Variants in ADGRB1 observed in about 807,000 individuals in gnomAD.
The protein encoded by ADGRB1 is brain-specific angiogenesis inhibitor 1.
Under a neutral mutation model 175.7 loss-of-function variants are expected in ADGRB1, and 36 were observed. That is an observed-to-expected ratio of 0.20 (90% CI 0.16 to 0.27). The LOEUF is 0.27. ADGRB1 is among the 10% of genes least tolerant of loss of function. The probability of loss-of-function intolerance (pLI) is 1.00; values close to 1 mark genes in which losing one functional copy is unlikely to be tolerated. For synonymous variants in ADGRB1, 1,054 were observed against 979.4 expected (o/e 1.08, Z -1.42); for missense variants, 1,731 against 2,255.3 (o/e 0.77, Z 4.71).
chr8:142,468,205 GGTGC>G (rs887070424), intron 2 of ADGRB1, among the ~76,000 whole-genome samples: 4 of 150,820 alleles, frequency 2.7e-5, no homozygotes, highest in African/African-American at 7.4e-5. Flanking sequence ...TGTAAGTGTG[GGTGC>G]GTGTGTGTGT....
At position 142,479,411 on chromosome 8, in the gene ADGRB1, T is replaced by C. The variant is rs1298493955; in HGVS notation, c.1650T>C (p.Ser550=). Reference sequence around the variant, plus strand: ...GCCAGCGACGGGAGCGTGTCTGCTCTGGGCCCTTCTTCGGGGGAGCAGCCT... The same window carrying C: ...GCCAGCGACGGGAGCGTGTCTGCTCCGGGCCCTTCTTCGGGGGAGCAGCCT... ...AGSQRRERVC[S]GPFFGGAACQ... Residue 550 remains serine (S), a synonymous_variant, in exon 8 of 31, where the codon TCT becomes TCC. Transcript: ENST00000517894. The C allele has an allele frequency of 3.9e-5, 60 of 1,548,170 alleles. No homozygotes were observed. Among genetic ancestry groups the C allele is most frequent in the Non-Finnish European group, 5.2e-5 (60 of 1,152,002 alleles).
chr8:142,543,043 G>A lies in ADGRB1; in HGVS notation c.4414-360G>A, dbSNP rs1356143113. Among the ~76,000 whole-genome samples, 1 of 152,202 alleles carries A rather than the reference G, an allele frequency of 6.6e-6. No individual in the cohort carries two copies. Among genetic ancestry groups the A allele is most frequent in the East Asian group, 1.9e-4 (1 of 5,192 alleles). On this transcript the variant is annotated intron_variant, in intron 28 of 30. Coordinates refer to ENST00000517894, the MANE Select transcript of ADGRB1 (RefSeq NM_001702.3). The surrounding 1 kb of genome is among the most constrained non-coding windows in gnomAD (Gnocchi z 4.4). ...GTTTTTGGGGGAGCCCGTCCCCACA[G>A]GATATGCTCCCACCATATCCTGGCT...
chr8:142,465,128 C>T (rs1411629920), intron 2 of ADGRB1, 146 bp downstream of exon 2: 14 of 989,310 alleles, frequency 1.4e-5, no homozygotes, highest in East Asian at 8.4e-5. Context: ...GGAGGTGGAC[C>T]GGGGTCTTCT....
intron 18 of ADGRB1, among the ~76,000 whole-genome samples, chr8:142,517,215 CGGGTGGGACATTTGGACAACGCCCA>C (rs1843496447): frequency 6.6e-6 from 1 of 152,068 alleles, no homozygotes; most frequent in African/African-American, 2.4e-5. Flanking sequence ...TTTGCAGAGC[CGGGTGGGACATTTGGACAACGCCCA>C]GGGCAGGAGA....
rs372778840 is a variant in ADGRB1 at position 142,489,069 on chromosome 8, C to T, written c.2487C>T (p.Thr829=). The stretch of plus-strand genomic sequence containing the variant: ...AAGCATCCGTGTTTGTGGTGGGCAC[C>T]GTGCTCTACAGGAACCTGGGCAGCT... ...ADEASVFVVG[T]VLYRNLGSFL... The change falls in exon 15 of 31, where the codon ACC becomes ACT. Residue 829 remains threonine, a synonymous_variant. Transcript: ENST00000517894. 27 of 1,611,252 alleles carry T rather than the reference C, an allele frequency of 1.7e-5. No individual in the cohort carries two copies. Among genetic ancestry groups the T allele is most frequent in the Non-Finnish European group, 2.2e-5 (26 of 1,179,552 alleles).
intron 25 of ADGRB1, among the ~76,000 whole-genome samples, chr8:142,535,889 G>A (rs777587341): frequency 4.6e-5 from 7 of 152,210 alleles, no homozygotes; most frequent in Non-Finnish European, 7.4e-5. Context: ...CTTAGCTGGT[G>A]TCCGGGGGTC....
chr8:142,467,278 C>T (rs372879729), intron 2 of ADGRB1, among the ~76,000 whole-genome samples: 7 of 152,312 alleles, frequency 4.6e-5, no homozygotes, highest in East Asian at 3.9e-4. Context: ...GCTGTGAGTG[C>T]AGAAGAGATG....
At chr8:142,539,259 CAG>C (rs1243607829) in intron 26 of ADGRB1, 113 bp from the exon 27 acceptor site, 71 of 1,082,014 alleles carry the variant, frequency 6.6e-5, no homozygotes, top group African/African-American at 3.0e-4. Flanking sequence ...TGGACATGGA[CAG>C]GGGTTCCTCG....
intron 27 of ADGRB1, among the ~76,000 whole-genome samples, chr8:142,540,973 C>T (rs1845237597): frequency 6.6e-6 from 1 of 151,952 alleles, no homozygotes; most frequent in Admixed American, 6.6e-5. Flanking sequence ...GCTTGGGGGG[C>T]ATTGGTGACC....
At position 142,464,076 on chromosome 8, in the gene ADGRB1, C is replaced by A; in HGVS notation, c.-123C>A. On this transcript the variant is annotated 5_prime_UTR_variant, in exon 2 of 31. Coordinates refer to ENST00000517894, the MANE Select transcript of ADGRB1 (RefSeq NM_001702.3). ...TGAAGCGGGGCCCTCTCCCATCCCACCCTTGCCCCGCCTCCCTGCCCCCAC... is the reference window on the plus strand; with the variant it reads ...TGAAGCGGGGCCCTCTCCCATCCCAACCTTGCCCCGCCTCCCTGCCCCCAC... The A allele has an allele frequency of 3.5e-5, 19 of 536,864 alleles. No individual in the cohort carries two copies. Among genetic ancestry groups the A allele is most frequent in the Non-Finnish European group, 3.8e-5 (15 of 392,394 alleles). 33.3% of individuals were successfully genotyped at this position (536,864 alleles called of 1,614,324 possible). A position where few individuals can be genotyped will look rare whatever the true frequency, so the allele number is the denominator to read the frequency against.
In ADGRB1 at chr8:142,510,916, TCCCG is replaced by T; in HGVS notation, c.2676-8_2676-5del. The T allele has an allele frequency of 2.1e-6, 2 of 969,672 alleles. No homozygotes were observed. The highest frequency in any genetic ancestry group is 2.5e-6 in the Non-Finnish European group (2 of 789,240). 60.1% of individuals were successfully genotyped at this position (969,672 alleles called of 1,614,324 possible). On this transcript the variant is annotated splice_polypyrimidine_tract_variant and intron_variant, in intron 17 of 30. Coordinates refer to ENST00000517894, the MANE Select transcript of ADGRB1 (RefSeq NM_001702.3). The surrounding 1 kb of genome is among the most constrained non-coding windows in gnomAD (Gnocchi z 6.3). ...ACGCTCCGCCTGTCTCCCTCCCGTGTCCCGCCCGCCCCCAGACCCTCCTCCTCCG... is the reference window on the plus strand; with the variant it reads ...ACGCTCCGCCTGTCTCCCTCCCGTGTCCCGCCCCCAGACCCTCCTCCTCCG...
chr8:142,462,300 C>A (rs775989172), intron 1 of ADGRB1, among the ~76,000 whole-genome samples: 9 of 152,218 alleles, frequency 5.9e-5, no homozygotes, highest in Admixed American at 2.6e-4. Flanking sequence ...GCTTCCTCCC[C>A]CTGCTGGAAG....
At chr8:142,526,720 T>C (rs1294696712) in intron 24 of ADGRB1, 93 bp downstream of exon 24, 2 of 1,267,692 alleles carry the variant, frequency 1.6e-6, no homozygotes, top group Non-Finnish European at 2.2e-6. Flanking sequence ...CCATGCCCAA[T>C]CTGAGACTGC....
Position 142,510,681 on chromosome 8 carries a change from C to T in ADGRB1, c.2676-251C>T, listed in dbSNP as rs1843046480. Among the ~76,000 whole-genome samples, 1 of 145,320 alleles carries T rather than the reference C, an allele frequency of 6.9e-6. No homozygotes were observed. The highest frequency in any genetic ancestry group is 2.5e-5 in the African/African-American group (1 of 40,506). Reference sequence around the variant, plus strand: ...CCCCCGATCGCTCGGCTCCCCCGCCCGGCGCTCCCTCGGGCTGCGCTCCGC... The same window carrying T: ...CCCCCGATCGCTCGGCTCCCCCGCCTGGCGCTCCCTCGGGCTGCGCTCCGC... On this transcript the variant is annotated intron_variant, in intron 17 of 30. Transcript: ENST00000517894. The surrounding 1 kb of genome is among the most constrained non-coding windows in gnomAD (Gnocchi z 6.3).
intron 7 of ADGRB1, among the ~76,000 whole-genome samples, chr8:142,478,823 T>C (rs1222133367): frequency 7.6e-6 from 1 of 131,872 alleles, no homozygotes; most frequent in African/African-American, 3.0e-5. Flanking sequence ...CAGTGGGACT[T>C]GGGGTGTCCA....
chr8:142,454,907 T>C (rs1839572816), intron 1 of ADGRB1, among the ~76,000 whole-genome samples: 3 of 152,128 alleles, frequency 2.0e-5, no homozygotes, highest in Admixed American at 1.3e-4. Flanking sequence ...TGCTACCCCG[T>C]TACAGGCTCT....
At chr8:142,478,840 A>T (rs1841160167) in intron 7 of ADGRB1, among the ~76,000 whole-genome samples, 1 of 99,136 alleles carries the variant, frequency 1.0e-5, no homozygotes, top group Admixed American at 1.0e-4. Context: ...TCCATGGGGA[A>T]GTGGAGTGTG....
chr8:142,489,871 G>A (rs940752125), intron 16 of ADGRB1, among the ~76,000 whole-genome samples: 5 of 152,150 alleles, frequency 3.3e-5, no homozygotes, highest in African/African-American at 7.2e-5. Context: ...GCACGGGAGC[G>A]TCCCCCCAGA....
intron 24 of ADGRB1, among the ~76,000 whole-genome samples, chr8:142,531,147 G>T (rs1844600489): frequency 6.6e-6 from 1 of 152,246 alleles, no homozygotes; most frequent in South Asian, 2.1e-4. Context: ...CTTAGGACTT[G>T]GGTGAGGAGA....
Sources: allele counts gnomAD v4.1 joint callset (sites outside exome capture counted in the v4.1 genomes callset), GRCh38; gene constraint gnomAD v4.1.1; non-coding constraint Gnocchi (gnomAD v3.1); transcripts MANE v1.5; gene names NCBI Gene and HGNC (gene_info 2026-07-23, HGNC 2026-07-21).